TMTC1: variants seen among roughly 807,000 people sequenced by gnomAD.
TMTC1 encodes the protein protein O-mannosyl-transferase TMTC1.
Under a neutral mutation model 104.8 loss-of-function variants are expected in TMTC1, and 73 were observed. The observed-to-expected ratio is 0.70, with a 90% CI of 0.58 to 0.85. TMTC1 has a LOEUF of 0.85. Ranked by LOEUF, TMTC1 falls within the 40% of genes least tolerant of loss-of-function variation. TMTC1 has a pLI of 0.00. For synonymous variants in TMTC1, 434 were observed against 428.7 expected (o/e 1.01, Z -0.15); for missense variants, 1,035 against 1,096.1 (o/e 0.94, Z 0.79).
chr12:29,621,637 C>T (rs528601926), intron 6 of TMTC1, among the ~76,000 whole-genome samples: 6 of 152,228 alleles, frequency 3.9e-5, no homozygotes, highest in Admixed American at 2.6e-4. Context: ...TAGTGGCTTT[C>T]GTTTTGATCT....
intron 11 of TMTC1, among the ~76,000 whole-genome samples, chr12:29,528,393 C>T (rs981373472): frequency 6.6e-6 from 1 of 152,118 alleles, no homozygotes; most frequent in African/African-American, 2.4e-5. Flanking sequence ...AATTGGCCTT[C>T]GAGGGCAGCA....
chr12:29,532,121 G>C (rs975534631), intron 11 of TMTC1, among the ~76,000 whole-genome samples: 16 of 152,048 alleles, frequency 1.1e-4, no homozygotes, highest in African/African-American at 3.9e-4. Context: ...GAAATTATCT[G>C]CTTATAATAT....
At chr12:29,533,966 C>T (rs10771546) in intron 11 of TMTC1, 28,946 of 152,066 alleles carry the variant, frequency 0.19, 3,131 homozygotes, top group East Asian at 0.38. Flanking sequence ...CCACAGTCCG[C>T]GTGGGCTGTG....
intron 5 of TMTC1, among the ~76,000 whole-genome samples, chr12:29,711,191 C>A (rs754912): frequency 0.68 from 102,082 of 151,148 alleles, 36,053 homozygotes; most frequent in Middle Eastern, 0.8. Context: ...TGTGCCCAGG[C>A]TGGTCTCAAA....
chr12:29,623,764 G>T (rs1937807550), intron 6 of TMTC1, among the ~76,000 whole-genome samples: 1 of 152,110 alleles, frequency 6.6e-6, no homozygotes, highest in South Asian at 2.1e-4. Context: ...AGTGAGCCAA[G>T]ATTGTGCCAC....
At chr12:29,717,417 C>G (rs1281167856) in intron 5 of TMTC1, among the ~76,000 whole-genome samples, 5 of 152,274 alleles carry the variant, frequency 3.3e-5, no homozygotes, top group African/African-American at 1.2e-4. Flanking sequence ...TTGAGTGGTG[C>G]ATGTGAAACT....
rs74428934 is a variant in TMTC1 at position 29,608,151 on chromosome 12, C to G, written c.1129-3852G>C. ...ATACTTATTTGAAAAACATATCAAT[C>G]TGCCAAGCAGAGACTTGTAAAGTTG... On this transcript the variant is annotated intron_variant, in intron 6 of 17. Coordinates refer to ENST00000539277, the MANE Select transcript of TMTC1 (RefSeq NM_001193451.2). Among the ~76,000 whole-genome samples the G allele has an allele frequency of 3.0e-4, 46 of 152,262 alleles. 1 individual carries two copies. In the East Asian group the frequency reaches 8.7e-3, roughly 29 times the overall value.
chr12:29,668,100 T>C (rs1445333338), intron 5 of TMTC1, among the ~76,000 whole-genome samples: 3 of 152,250 alleles, frequency 2.0e-5, no homozygotes, highest in Non-Finnish European at 4.4e-5. Context: ...ACTGCATTTC[T>C]GCATGTTAAC....
chr12:29,772,308 A>G (rs1463295621), intron 1 of TMTC1, among the ~76,000 whole-genome samples: 2 of 152,150 alleles, frequency 1.3e-5, no homozygotes, highest in Non-Finnish European at 2.9e-5. Flanking sequence ...GTCTCTACCA[A>G]TTCCTATCAT....
At chr12:29,573,799 G>T (rs1308112973) in intron 8 of TMTC1, among the ~76,000 whole-genome samples, 1 of 152,066 alleles carries the variant, frequency 6.6e-6, no homozygotes, top group African/African-American at 2.4e-5. Context: ...AGAGTCTAAC[G>T]GGCCCTGTGA....
In TMTC1 at chr12:29,604,202, G is replaced by A. The variant is rs144467040; in HGVS notation, c.1226C>T (p.Ala409Val). The A allele has an allele frequency of 1.6e-4, 263 of 1,613,656 alleles. 1 individual carries two copies. Among genetic ancestry groups the A allele is most frequent in the Non-Finnish European group, 8.1e-5 (95 of 1,179,822 alleles). Residue 409 changes from alanine (A) to valine (V), a missense_variant, in exon 7 of 18, where the codon GCG becomes GTG. Physicochemically the swap from Ala to Val is moderately conservative, Grantham distance 64. Transcript: ENST00000539277. ...NLFFRVGFVV[A>V]ERVLYMPSMG... ...CCTAGGCATGTAAAGGACTCTCTCCGCCACCACAAAACCCACCCTGAAGAA... is the reference window on the plus strand; with the variant it reads ...CCTAGGCATGTAAAGGACTCTCTCCACCACCACAAAACCCACCCTGAAGAA...
intron 5 of TMTC1, among the ~76,000 whole-genome samples, chr12:29,670,879 T>A (rs1286441192): frequency 7.1e-6 from 1 of 140,698 alleles, no homozygotes; most frequent in Non-Finnish European, 1.5e-5. Flanking sequence ...TTCAGTGAGC[T>A]AGCTGAGATC....
In TMTC1 at chr12:29,584,792, G is replaced by C. The variant is rs550635277; in HGVS notation, c.1251-1218C>G. The stretch of plus-strand genomic sequence containing the variant: ...ACTCATCATTTTTTATGGCTGCATA[G>C]TATTCCATGGTGTATATGTGCCACA... On this transcript the variant is annotated intron_variant, in intron 7 of 17. Transcript: ENST00000539277. Among the ~76,000 whole-genome samples the C allele has an allele frequency of 1.7e-4, 26 of 151,384 alleles. 1 individual carries two copies. The highest frequency in any genetic ancestry group is 1.7e-3 in the Admixed American group (26 of 15,216).
At chr12:29,550,020 T>C (rs1020133891) in intron 10 of TMTC1, among the ~76,000 whole-genome samples, 1 of 152,154 alleles carries the variant, frequency 6.6e-6, no homozygotes. Flanking sequence ...AAAATAATCA[T>C]AGACATTACA....
At chr12:29,652,275 T>C (rs1334195327) in intron 5 of TMTC1, among the ~76,000 whole-genome samples, 2 of 152,124 alleles carry the variant, frequency 1.3e-5, no homozygotes, top group African/African-American at 2.4e-5. Flanking sequence ...CAATGAACAC[T>C]CAAGAACGTG....
chr12:29,605,355 T>C lies in TMTC1; in HGVS notation c.1129-1056A>G, dbSNP rs139701499. On this transcript the variant is annotated intron_variant, in intron 6 of 17. Coordinates refer to ENST00000539277, the MANE Select transcript of TMTC1 (RefSeq NM_001193451.2). ...CATCTTGGGATACTTGTCACCTTGA[T>C]GTTATTAAAATATTTGTTTTACGGA... Among the ~76,000 whole-genome samples the C allele has an allele frequency of 8.5e-3, 1,287 of 152,142 alleles. 26 individuals are homozygous for C. Among genetic ancestry groups the C allele is most frequent in the African/African-American group, 0.029 (1,220 of 41,556 alleles).
chr12:29,562,190 A>G (rs1347055668), intron 9 of TMTC1, among the ~76,000 whole-genome samples: 2 of 152,188 alleles, frequency 1.3e-5, no homozygotes, highest in East Asian at 1.9e-4. Context: ...CACCTAGCAA[A>G]TAAGTTTTAC....
intron 5 of TMTC1, among the ~76,000 whole-genome samples, chr12:29,657,684 CAAAG>C (rs1203069491): frequency 2.6e-5 from 4 of 151,756 alleles, no homozygotes; most frequent in Non-Finnish European, 4.4e-5. Flanking sequence ...GAAATAAAGA[CAAAG>C]AAAGAGAAGA....
At chr12:29,584,899 T>C (rs1409942410) in intron 7 of TMTC1, among the ~76,000 whole-genome samples, 180 of 151,084 alleles carry the variant, frequency 1.2e-3, no homozygotes, top group Middle Eastern at 6.8e-3. Context: ...ACAATAAACA[T>C]ACGTGTGCAT....
Sources: gnomAD v4.1 joint callset for allele counts (sites outside exome capture counted in the v4.1 genomes callset) on GRCh38, gnomAD v4.1.1 for gene constraint, MANE v1.5 for transcripts, NCBI Gene and HGNC (gene_info 2026-07-23, HGNC 2026-07-21) for gene names.